Variants in HDAC8 observed in about 807,000 individuals in gnomAD.
The protein encoded by HDAC8 is histone deacetylase-like 1.
Under a neutral mutation model 32.2 loss-of-function variants are expected in HDAC8, and 1 was observed. The ratio of observed to expected loss-of-function variants is 0.03; its 90% CI spans 0.01 to 0.15. The LOEUF (loss-of-function observed/expected upper bound fraction) is 0.15, where lower values mean the gene tolerates loss of function less well. Among genes scored for constraint, HDAC8 ranks in the 10% least tolerant of loss-of-function variants. The pLI is 1.00. For synonymous variants in HDAC8, 108 were observed against 113.9 expected (o/e 0.95, Z 0.33); for missense variants, 117 against 300.0 (o/e 0.39, Z 4.51).
intron 9 of HDAC8, among the ~76,000 whole-genome samples, chrX:72,441,777 A>T (rs2047156674): frequency 9.0e-6 from 1 of 111,705 alleles, no homozygotes; most frequent in Non-Finnish European, 1.9e-5. Context: ...AAAGAAGTTA[A>T]AAACTTTGAA....
At chrX:72,472,941 G>A (rs1290447851) in intron 7 of HDAC8, among the ~76,000 whole-genome samples, 2 of 110,427 alleles carry the variant, frequency 1.8e-5, no homozygotes, top group Non-Finnish European at 1.9e-5. Context: ...CTCTAATCTA[G>A]CCCTTATGAC....
intron 4 of HDAC8, among the ~76,000 whole-genome samples, chrX:72,534,363 C>T (rs186463744): frequency 3.1e-4 from 32 of 102,676 alleles, no homozygotes; most frequent in Middle Eastern, 5.2e-3. Context: ...GGCTGGAGTA[C>T]AGTAGTGTGA....
At chrX:72,377,257 G>A (rs782338486) in intron 9 of HDAC8, 1 of 111,937 alleles carries the variant, frequency 8.9e-6, no homozygotes, top group Non-Finnish European at 1.9e-5. Context: ...TTCTTTTATT[G>A]ATTTCTAATT....
intron 9 of HDAC8, among the ~76,000 whole-genome samples, chrX:72,357,233 C>T (rs1423180022): frequency 1.9e-5 from 2 of 107,679 alleles, no homozygotes; most frequent in African/African-American, 3.4e-5. Context: ...GTAGGGTGTA[C>T]GTGTGTGAGA....
At chrX:72,394,640 GGCAGTGCGTGGGTAA>G (rs1555965051) in intron 9 of HDAC8, among the ~76,000 whole-genome samples, 1 of 111,934 alleles carries the variant, frequency 8.9e-6, no homozygotes, top group Admixed American at 9.5e-5. Flanking sequence ...CTGGGGGCGG[GGCAGTGCGTGGGTAA>G]GCACTTTGCC....
chrX:72,563,759 C>T (rs2147568731), intron 4 of HDAC8, among the ~76,000 whole-genome samples: 1 of 111,260 alleles, frequency 9.0e-6, no homozygotes, highest in East Asian at 2.8e-4. Context: ...AGGCCACATT[C>T]CCAGAAGTAA....
At chrX:72,454,301 G>T (rs1239911726) in intron 9 of HDAC8, among the ~76,000 whole-genome samples, 1 of 111,097 alleles carries the variant, frequency 9.0e-6, no homozygotes, top group African/African-American at 3.3e-5. Flanking sequence ...GGAGTAACAC[G>T]GTCCAGCCAA....
Position 72,495,228 on chromosome X carries a change from G to A in HDAC8, c.478C>T (p.Leu160=). ...SGFCYLNDAV[L]GILRLRRKFE... is the part of the protein sequence containing the mutation. ...TTCCGTCGCAATCGTAATATTCCCA[G>A]GACAGCATCATTGAGATAACAAAAA... The change falls in exon 5 of 11, where the codon CTG becomes TTG. Residue 160 remains leucine (L), a synonymous_variant. Coordinates refer to ENST00000373573, the MANE Select transcript of HDAC8 (RefSeq NM_018486.3). The A allele has an allele frequency of 8.3e-7, 1 of 1,207,814 alleles. No homozygotes were observed.
intron 8 of HDAC8, 154 bp from the exon 9 acceptor site, chrX:72,462,252 C>T (rs2047888516): frequency 4.4e-6 from 2 of 453,996 alleles, no homozygotes; most frequent in Non-Finnish European, 3.8e-6. Flanking sequence ...ATTTTTAAAC[C>T]ACCTAGTAGG....
At chrX:72,567,139 T>C (rs2051826037) in intron 4 of HDAC8, among the ~76,000 whole-genome samples, 1 of 111,783 alleles carries the variant, frequency 8.9e-6, no homozygotes, top group Non-Finnish European at 1.9e-5. Flanking sequence ...GGCGAGACTC[T>C]GTCTCAAAAA....
At chrX:72,569,591 G>T (rs1019203972) in intron 2 of HDAC8, among the ~76,000 whole-genome samples, 2 of 112,470 alleles carry the variant, frequency 1.8e-5, no homozygotes, top group East Asian at 5.6e-4. Flanking sequence ...AGAGCGAGGC[G>T]AGAAGGGGCA....
chrX:72,493,718 A>T (rs1236166883), intron 5 of HDAC8, among the ~76,000 whole-genome samples: 3 of 111,525 alleles, frequency 2.7e-5, no homozygotes, highest in East Asian at 5.6e-4. Context: ...TTTTTAAGAG[A>T]CAATGGCTTG....
At chrX:72,450,741 A>T (rs2047549304) in intron 9 of HDAC8, among the ~76,000 whole-genome samples, 2 of 111,639 alleles carry the variant, frequency 1.8e-5, no homozygotes, top group South Asian at 7.4e-4. Context: ...TGAAAAAAAT[A>T]GTAAGCTCAC....
chrX:72,398,389 A>G (rs3012649), intron 9 of HDAC8, among the ~76,000 whole-genome samples: 27,364 of 110,309 alleles, frequency 0.25, 6,088 homozygotes, highest in East Asian at 0.75. Context: ...GCAGTGGCGC[A>G]ATCATAGCTC....
At chrX:72,368,341 C>T (rs1404200285) in intron 9 of HDAC8, among the ~76,000 whole-genome samples, 1 of 103,321 alleles carries the variant, frequency 9.7e-6, no homozygotes, top group Non-Finnish European at 1.9e-5. Flanking sequence ...CATTCCCTCC[C>T]GTGTGTTTCC....
chrX:72,481,716 G>C (rs1027349765), intron 7 of HDAC8, among the ~76,000 whole-genome samples: 8 of 108,896 alleles, frequency 7.3e-5, no homozygotes, highest in Non-Finnish European at 1.5e-4. Flanking sequence ...TGATTCTCCT[G>C]CCTCAGCCTC....
chrX:72,447,619 A>G (rs1480276473), intron 9 of HDAC8, among the ~76,000 whole-genome samples: 2 of 111,973 alleles, frequency 1.8e-5, no homozygotes, highest in African/African-American at 6.5e-5. Context: ...AATAAAGGGT[A>G]TTCAAATAGG....
chrX:72,341,089 A>C (rs902657378), intron 10 of HDAC8, among the ~76,000 whole-genome samples: 6 of 111,773 alleles, frequency 5.4e-5, no homozygotes, highest in South Asian at 3.8e-4. Flanking sequence ...CTCTGTGATC[A>C]TTCAGCATGT....
intron 4 of HDAC8, among the ~76,000 whole-genome samples, chrX:72,537,120 G>A (rs782683035): frequency 1.8e-5 from 2 of 112,041 alleles, no homozygotes; most frequent in Non-Finnish European, 3.8e-5. Flanking sequence ...TTTGTACAAG[G>A]ACTAAAATCA....
Sources: gnomAD v4.1 joint callset for allele counts (sites outside exome capture counted in the v4.1 genomes callset) on GRCh38, gnomAD v4.1.1 for gene constraint, MANE v1.5 for transcripts, NCBI Gene and HGNC (gene_info 2026-07-23, HGNC 2026-07-21) for gene names.